The following H2AC4 variants were observed in gnomAD, a reference collection of about 807,000 sequenced individuals.
H2AC4 encodes the protein histone H2A type 1-B/E.
Under a neutral mutation model 6.1 loss-of-function variants are expected in H2AC4, and 8 were observed. That is an observed-to-expected ratio of 1.31 (90% CI 0.77 to 2.36). The LOEUF is 2.36. Among genes scored for constraint, H2AC4 ranks in the 30% most tolerant of loss-of-function variants. The pLI is 0.00. For missense variants in H2AC4, 260 were observed against 180.4 expected (o/e 1.44, Z -2.53); for synonymous variants, 129 against 78.4 (o/e 1.64, Z -3.41).
Position 26,033,474 on chromosome 6 carries a change from T to C in H2AC4, c.95A>G (p.His32Arg), listed in dbSNP as rs373273211. The change falls in exon 1 of 1, where the codon CAC (histidine) becomes CGC (arginine). Residue 32 changes from histidine (H) to arginine (R), a missense_variant. His to Arg is a conservative substitution (Grantham distance 29). Coordinates refer to ENST00000615868, the MANE Select transcript of H2AC4 (RefSeq NM_003513.3). ...AGLQFPVGRV[H>R]RLLRKGNYSE... ...GTAGTTGCCTTTGCGGAGCAGGCGG[T>C]GCACTCGGCCCACAGGAAACTGCAA... is the stretch of plus-strand genomic sequence containing the variant. 46 of 1,613,976 alleles carry C rather than the reference T, an allele frequency of 2.9e-5. No homozygotes were observed. The Admixed American group carries it at 5.7e-4, about 20-fold the overall frequency.
In H2AC4 at chr6:26,033,516, C is replaced by A. The variant is rs769789877; in HGVS notation, c.53G>T (p.Arg18Leu). Residue 18 changes from arginine to leucine, a missense_variant, in exon 1 of 1, where the codon CGG becomes CTG. Coordinates refer to ENST00000615868, the MANE Select transcript of H2AC4 (RefSeq NM_003513.3). ...GGKARAKAKT[R>L]SSRAGLQFPV... is the part of the protein sequence containing the mutation. The stretch of plus-strand genomic sequence containing the variant: ...AAACTGCAAACCTGCACGAGAAGAC[C>A]GAGTCTTAGCCTTGGCGCGAGCTTT... 6.2e-7 allele frequency: 1 copy of A among 1,614,156 alleles called. No homozygotes were observed.
chr6:26,033,571 C>G lies in H2AC4; in HGVS notation c.-3G>C, dbSNP rs919926481. 3 of 1,523,190 alleles carry G rather than the reference C, an allele frequency of 2.0e-6. No individual in the cohort carries two copies. The highest frequency in any genetic ancestry group is 5.0e-5 in the African/African-American group (2 of 40,382). The allele number at this position is 1,523,190 out of a possible 1,614,324, so 94.4% of individuals were successfully genotyped here. The stretch of plus-strand genomic sequence containing the variant: ...CCTTGTTTGCCGCGACCAGACATAA[C>G]TACTTCTGATAAGGGAAAATCGCCA... On this transcript the variant is annotated 5_prime_UTR_variant, in exon 1 of 1. Coordinates refer to ENST00000615868, the MANE Select transcript of H2AC4 (RefSeq NM_003513.3).
chr6:26,033,274 C>T lies in H2AC4; in HGVS notation c.295G>A (p.Gly99Arg), dbSNP rs1304028313. The change falls in exon 1 of 1, where the codon GGG (glycine) becomes AGG (arginine). Residue 99 changes from glycine (G) to arginine (R), a missense_variant. Physicochemically the swap from Gly to Arg is moderately radical, Grantham distance 125. Coordinates refer to ENST00000615868, the MANE Select transcript of H2AC4 (RefSeq NM_003513.3). ...RNDEELNKLL[G>R]RVTIAQGGVL... is the part of the protein sequence containing the mutation. ...CCACCCTGCGCGATGGTCACACGCC[C>T]CAAGAGTTTATTAAGCTCCTCGTCA... is the stretch of plus-strand genomic sequence containing the variant. The T allele has an allele frequency of 1.9e-6, 3 of 1,614,134 alleles. No individual in the cohort carries two copies. Among genetic ancestry groups the T allele is most frequent in the South Asian group, 2.2e-5 (2 of 91,080 alleles).
Position 26,033,561 on chromosome 6 carries a change from C to G in H2AC4, c.8G>C (p.Gly3Ala), listed in dbSNP as rs201893613. 1 of 1,584,092 alleles carries G rather than the reference C, an allele frequency of 6.3e-7. No homozygotes were observed. Among genetic ancestry groups the G allele is most frequent in the Non-Finnish European group, 8.5e-7 (1 of 1,172,178 alleles). The change falls in exon 1 of 1, where the codon GGT becomes GCT. Residue 3 changes from glycine (G) to alanine (A), a missense_variant. Coordinates refer to ENST00000615868, the MANE Select transcript of H2AC4 (RefSeq NM_003513.3). ...AGCTTTACCGCCTTGTTTGCCGCGA[C>G]CAGACATAACTACTTCTGATAAGGG... MS[G>A]RGKQGGKARA...
In H2AC4 at chr6:26,033,124, G is replaced by A. The variant is rs1481939596; in HGVS notation, c.*52C>T. ...GCTCTGAAAAGAGCCTTTGCTGTTA[G>A]GCTGATTTTGTCTGCTGACAGAAAA... On this transcript the variant is annotated 3_prime_UTR_variant, in exon 1 of 1. Coordinates refer to ENST00000615868, the MANE Select transcript of H2AC4 (RefSeq NM_003513.3). 6.3e-6 allele frequency: 10 copies of A among 1,599,656 alleles called. No individual in the cohort carries two copies. The highest frequency in any genetic ancestry group is 2.2e-5 in the East Asian group (1 of 44,814).
In H2AC4 at chr6:26,033,379, G is replaced by A. The variant is rs372993129; in HGVS notation, c.190C>T (p.Leu64=). The A allele has an allele frequency of 1.9e-5, 31 of 1,613,902 alleles. No homozygotes were observed. Among genetic ancestry groups the A allele is most frequent in the Non-Finnish European group, 2.5e-5 (29 of 1,179,960 alleles). ...AVLEYLTAEI[L]ELAGNAARDN... is the part of the protein sequence containing the mutation. Reference sequence around the variant, plus strand: ...CGGGCCGCATTGCCCGCCAGCTCCAGGATCTCGGCGGTCAGGTACTCAAGC... The same window carrying A: ...CGGGCCGCATTGCCCGCCAGCTCCAAGATCTCGGCGGTCAGGTACTCAAGC... The change falls in exon 1 of 1, where the codon CTG becomes TTG. Residue 64 remains leucine, a synonymous_variant. Transcript: ENST00000615868.
In H2AC4 at chr6:26,033,561, C is replaced by A; in HGVS notation, c.8G>T (p.Gly3Val). ...AGCTTTACCGCCTTGTTTGCCGCGA[C>A]CAGACATAACTACTTCTGATAAGGG... MS[G>V]RGKQGGKARA... Residue 3 changes from glycine to valine, a missense_variant, in exon 1 of 1, where the codon GGT becomes GTT. Gly to Val is a moderately radical substitution (Grantham distance 109). Transcript: ENST00000615868. 1.3e-6 allele frequency: 2 copies of A among 1,584,092 alleles called. No homozygotes were observed. The highest frequency in any genetic ancestry group is 1.7e-6 in the Non-Finnish European group (2 of 1,172,178).
rs200454076 is a variant in H2AC4, at chr6:26,033,591, T to C, written c.-23A>G. 99 of 1,596,808 alleles carry C rather than the reference T, an allele frequency of 6.2e-5. No homozygotes were observed. Among genetic ancestry groups the C allele is most frequent in the Non-Finnish European group, 8.3e-5 (97 of 1,170,976 alleles). On this transcript the variant is annotated 5_prime_UTR_variant, in exon 1 of 1. Coordinates refer to ENST00000615868, the MANE Select transcript of H2AC4 (RefSeq NM_003513.3). Reference sequence around the variant, plus strand: ...CATAACTACTTCTGATAAGGGAAAATCGCCACAAGAAAATGTAATGAAACT... The same window carrying C: ...CATAACTACTTCTGATAAGGGAAAACCGCCACAAGAAAATGTAATGAAACT...
chr6:26,033,495 T>C lies in H2AC4; in HGVS notation c.74A>G (p.Gln25Arg). ...GCGGTGCACTCGGCCCACAGGAAAC[T>C]GCAAACCTGCACGAGAAGACCGAGT... The part of the protein sequence containing the change: ...AKTRSSRAGL[Q>R]FPVGRVHRLL... Residue 25 changes from glutamine (Q) to arginine (R), a missense_variant, in exon 1 of 1, where the codon CAG (glutamine) becomes CGG (arginine). Coordinates refer to ENST00000615868, the MANE Select transcript of H2AC4 (RefSeq NM_003513.3). 1.9e-6 allele frequency: 3 copies of C among 1,614,202 alleles called. No homozygotes were observed. The highest frequency in any genetic ancestry group is 1.6e-4 in the Middle Eastern group (1 of 6,062).
chr6:26,033,564 GACATAACTACTTCTGAT>G lies in H2AC4; in HGVS notation c.-13_4del. 1 of 1,561,310 alleles carries G rather than the reference GACATAACTACTTCTGAT, an allele frequency of 6.4e-7. No individual in the cohort carries two copies. The highest frequency in any genetic ancestry group is 8.6e-7 in the Non-Finnish European group (1 of 1,164,010). ...TTTACCGCCTTGTTTGCCGCGACCA[GACATAACTACTTCTGAT>G]AAGGGAAAATCGCCACAAGAAAATG... On this transcript the variant is annotated start_lost and 5_prime_UTR_variant, in exon 1 of 1. Transcript: ENST00000615868.
rs755950046 is a variant in H2AC4, at chr6:26,033,304, G to C, written c.265C>G (p.Arg89Gly). ...AGTTTATTAAGCTCCTCGTCATTGC[G>C]GATGGCCAATTGCAGGTGGCGCGGG... ...IIPRHLQLAI[R>G]NDEELNKLLG... The change falls in exon 1 of 1, where the codon CGC becomes GGC. Residue 89 changes from arginine (R) to glycine (G), a missense_variant. Arg to Gly is a moderately radical substitution (Grantham distance 125). Transcript: ENST00000615868. The C allele has an allele frequency of 6.2e-7, 1 of 1,614,028 alleles. No individual in the cohort carries two copies. The highest frequency in any genetic ancestry group is 1.7e-5 in the Admixed American group (1 of 60,002).
Position 26,033,394 on chromosome 6 carries a change from G to A in H2AC4, c.175C>T (p.Leu59=). The change falls in exon 1 of 1, where the codon CTG becomes TTG. Residue 59 remains leucine (L), a synonymous_variant. Coordinates refer to ENST00000615868, the MANE Select transcript of H2AC4 (RefSeq NM_003513.3). The part of the protein sequence containing the change: ...PVYLAAVLEY[L]TAEILELAGN... Reference sequence around the variant, plus strand: ...GCCAGCTCCAGGATCTCGGCGGTCAGGTACTCAAGCACCGCCGCGAGATAC... The same window carrying A: ...GCCAGCTCCAGGATCTCGGCGGTCAAGTACTCAAGCACCGCCGCGAGATAC... 1 of 1,614,060 alleles carries A rather than the reference G, an allele frequency of 6.2e-7. No homozygotes were observed. Among genetic ancestry groups the A allele is most frequent in the Non-Finnish European group, 8.5e-7 (1 of 1,179,952 alleles).
chr6:26,033,617 A>G lies in H2AC4; in HGVS notation c.-49T>C, dbSNP rs753219076. On this transcript the variant is annotated 5_prime_UTR_variant, in exon 1 of 1. Coordinates refer to ENST00000615868, the MANE Select transcript of H2AC4 (RefSeq NM_003513.3). Reference sequence around the variant, plus strand: ...CGCCACAAGAAAATGTAATGAAACTACATTAGAACGCAAGGCAGAGAAGTA... The same window carrying G: ...CGCCACAAGAAAATGTAATGAAACTGCATTAGAACGCAAGGCAGAGAAGTA... 24 of 1,594,156 alleles carry G rather than the reference A, an allele frequency of 1.5e-5. No homozygotes were observed. Among genetic ancestry groups the G allele is most frequent in the Middle Eastern group, 1.7e-4 (1 of 6,004 alleles).
rs149772014 is a variant in H2AC4, at chr6:26,033,419, C to T, written c.150G>A (p.Val50=). Residue 50 remains valine, a synonymous_variant, in exon 1 of 1, where the codon GTG becomes GTA. Transcript: ENST00000615868. ...GGTACTCAAGCACCGCCGCGAGATA[C>T]ACCGGCGCGCCAGCCCCGACGCGCT... ...YSERVGAGAP[V]YLAAVLEYLT... 1,902 of 1,614,070 alleles carry T rather than the reference C, an allele frequency of 1.2e-3. 23 individuals are homozygous for T. The highest frequency in any genetic ancestry group is 1.8e-4 in the Non-Finnish European group (217 of 1,179,960).
rs1761509416 is a variant in H2AC4, at chr6:26,033,527, CTTGGCGCGAGCTTTACCGCCTTGT to C, written c.18_41del (p.Gln7_Lys14del). 5.0e-6 allele frequency: 8 copies of C among 1,613,980 alleles called. No individual in the cohort carries two copies. Among genetic ancestry groups the C allele is most frequent in the East Asian group, 2.2e-5 (1 of 44,896 alleles). On this transcript the variant is annotated inframe_deletion, in exon 1 of 1. Transcript: ENST00000615868. ...CTGCACGAGAAGACCGAGTCTTAGC[CTTGGCGCGAGCTTTACCGCCTTGT>C]TTGCCGCGACCAGACATAACTACTT... is the stretch of plus-strand genomic sequence containing the variant.
chr6:26,033,206 A>G lies in H2AC4; in HGVS notation c.363T>C (p.Thr121=). 6.2e-7 allele frequency: 1 copy of G among 1,614,060 alleles called. No homozygotes were observed. The highest frequency in any genetic ancestry group is 8.5e-7 in the Non-Finnish European group (1 of 1,179,916). Residue 121 remains threonine, a synonymous_variant, in exon 1 of 1, where the codon ACT becomes ACC. Transcript: ENST00000615868. ...TTCCCTTGGCCTTATGATGGCTCTC[A>G]GTTTTCTTAGGCAGCAGCACCGCCT... ...NIQAVLLPKK[T]ESHHKAKGK is the part of the protein sequence containing the mutation.
rs1387729496 is a variant in H2AC4 at position 26,033,505 on chromosome 6, C to T, written c.64G>A (p.Ala22Thr). 1 of 1,614,226 alleles carries T rather than the reference C, an allele frequency of 6.2e-7. No homozygotes were observed. The highest frequency in any genetic ancestry group is 1.1e-5 in the South Asian group (1 of 91,078). The stretch of plus-strand genomic sequence containing the variant: ...CGGCCCACAGGAAACTGCAAACCTG[C>T]ACGAGAAGACCGAGTCTTAGCCTTG... ...RAKAKTRSSRAGLQFPVGRVH... is the reference protein window; with the variant it reads ...RAKAKTRSSRTGLQFPVGRVH... Residue 22 changes from alanine (A) to threonine (T), a missense_variant, in exon 1 of 1, where the codon GCA (alanine) becomes ACA (threonine). By Grantham distance (58) the Ala-to-Thr change is moderately conservative (BLOSUM62 0). Transcript: ENST00000615868.
In H2AC4 at chr6:26,033,302, G is replaced by C; in HGVS notation, c.267C>G (p.Arg89=). 2 of 1,614,154 alleles carry C rather than the reference G, an allele frequency of 1.2e-6. No homozygotes were observed. The highest frequency in any genetic ancestry group is 1.7e-6 in the Non-Finnish European group (2 of 1,180,040). Residue 89 remains arginine (R), a synonymous_variant, in exon 1 of 1, where the codon CGC becomes CGG. Transcript: ENST00000615868. Reference sequence around the variant, plus strand: ...AGAGTTTATTAAGCTCCTCGTCATTGCGGATGGCCAATTGCAGGTGGCGCG... The same window carrying C: ...AGAGTTTATTAAGCTCCTCGTCATTCCGGATGGCCAATTGCAGGTGGCGCG... The part of the protein sequence containing the change: ...IIPRHLQLAI[R]NDEELNKLLG...
In H2AC4 at chr6:26,033,248, G is replaced by T. The variant is rs775754511; in HGVS notation, c.321C>A (p.Gly107=). ...LLGRVTIAQG[G]VLPNIQAVLL... Reference sequence around the variant, plus strand: ...GCACCGCCTGAATATTAGGCAAAACGCCACCCTGCGCGATGGTCACACGCC... The same window carrying T: ...GCACCGCCTGAATATTAGGCAAAACTCCACCCTGCGCGATGGTCACACGCC... Residue 107 remains glycine (G), a synonymous_variant, in exon 1 of 1, where the codon GGC becomes GGA. Transcript: ENST00000615868. 6 of 1,614,156 alleles carry T rather than the reference G, an allele frequency of 3.7e-6. No homozygotes were observed. Among genetic ancestry groups the T allele is most frequent in the Non-Finnish European group, 5.1e-6 (6 of 1,180,026 alleles).
Sources: allele counts gnomAD v4.1 joint callset, GRCh38; gene constraint gnomAD v4.1.1; transcripts MANE v1.5; gene names NCBI Gene and HGNC (gene_info 2026-07-23, HGNC 2026-07-21).